The following RASSF5 variants were observed in gnomAD, a reference collection of about 807,000 sequenced individuals.
RASSF5 encodes the protein Ras association domain family member 5.
In RASSF5, 25 loss-of-function variants were observed where a neutral mutation model predicts 40.5. The observed-to-expected ratio is 0.62, with a 90% confidence interval of 0.45 to 0.86. The LOEUF is 0.86. RASSF5 is among the 40% of genes least tolerant of loss of function. RASSF5 has a pLI of 0.00. For missense variants in RASSF5, 521 were observed against 572.8 expected (o/e 0.91, Z 0.92); for synonymous variants, 246 against 252.4 (o/e 0.97, Z 0.24).
chr1:206,532,755 C>T (rs1667274996), intron 1 of RASSF5, among the ~76,000 whole-genome samples: 1 of 152,120 alleles, frequency 6.6e-6, no homozygotes, highest in South Asian at 2.1e-4. Flanking sequence ...CGCCTTGGTG[C>T]CCGCCTGGCC....
At chr1:206,580,281 CGG>C (rs1221599202) in intron 2 of RASSF5, among the ~76,000 whole-genome samples, 1 of 152,214 alleles carries the variant, frequency 6.6e-6, no homozygotes, top group African/African-American at 2.4e-5. Context: ...CCTTTTCTTA[CGG>C]GGAAATGGCT....
At chr1:206,524,248 A>G (rs996984930) in intron 1 of RASSF5, among the ~76,000 whole-genome samples, 2 of 139,840 alleles carry the variant, frequency 1.4e-5, no homozygotes, top group Non-Finnish European at 3.0e-5. Flanking sequence ...AATACATTTT[A>G]TATATATTAT....
Position 206,529,291 on chromosome 1 carries a change from C to T in RASSF5, c.458-8881C>T. On this transcript the variant is annotated intron_variant, in intron 1 of 5. Coordinates refer to ENST00000579436, the MANE Select transcript of RASSF5 (RefSeq NM_182663.4). ...AGAGCTGCCGGCAAAGGGGACGTCC[C>T]CACTAAGAGACCACCTGTCCTTCGA... is the stretch of plus-strand genomic sequence containing the variant. 4 of 850,254 alleles carry T rather than the reference C, an allele frequency of 4.7e-6. 1 individual carries two copies. In the South Asian group the frequency reaches 5.7e-5, roughly 12 times the overall value. 52.7% of individuals were successfully genotyped at this position (850,254 alleles called of 1,614,324 possible).
intron 2 of RASSF5, among the ~76,000 whole-genome samples, chr1:206,575,182 GT>G (rs1220819269): frequency 2.6e-5 from 4 of 152,114 alleles, no homozygotes; most frequent in Admixed American, 2.6e-4. Context: ...GCCTGCAGAC[GT>G]TCCCATCTAG....
intron 2 of RASSF5, among the ~76,000 whole-genome samples, chr1:206,548,695 A>T (rs527939326): frequency 6.6e-6 from 1 of 152,228 alleles, no homozygotes; most frequent in South Asian, 2.1e-4. Context: ...CTGTGGATTT[A>T]TAGTTTTCAC....
At chr1:206,563,973 A>G (rs1160036934) in intron 2 of RASSF5, among the ~76,000 whole-genome samples, 5 of 152,162 alleles carry the variant, frequency 3.3e-5, no homozygotes, top group South Asian at 2.1e-4. Context: ...GATGTAAGGG[A>G]AGACACACAG....
At chr1:206,585,367 A>C (rs1669071135) in intron 5 of RASSF5, 72 bp downstream of exon 5, 1 of 1,079,762 alleles carries the variant, frequency 9.3e-7, no homozygotes, top group Non-Finnish European at 1.4e-6. Context: ...TGTTGTCCTA[A>C]CTACCTCACA....
intron 2 of RASSF5, among the ~76,000 whole-genome samples, chr1:206,577,199 C>T (rs1553405344): frequency 2.0e-5 from 3 of 152,112 alleles, no homozygotes; most frequent in Admixed American, 6.6e-5. Flanking sequence ...CAACAGACTG[C>T]GTGGCCTGCA....
At chr1:206,544,327 G>C (rs1352679987) in intron 2 of RASSF5, 1 of 152,210 alleles carries the variant, frequency 6.6e-6, no homozygotes, top group Non-Finnish European at 1.5e-5. Context: ...ACCTCTAACA[G>C]TCTTGCTAGA....
chr1:206,556,131 C>A (rs554096123), intron 2 of RASSF5, among the ~76,000 whole-genome samples: 58 of 152,296 alleles, frequency 3.8e-4, no homozygotes, highest in African/African-American at 1.4e-3. Context: ...GTTTCCCTGC[C>A]GGGACTCCAG....
intron 2 of RASSF5, chr1:206,557,571 T>G (rs1572338683): frequency 6.2e-7 from 1 of 1,613,728 alleles, no homozygotes; most frequent in East Asian, 2.2e-5. Flanking sequence ...AACTCCGGGG[T>G]AGATGACCGT....
In RASSF5 at chr1:206,526,710, G is replaced by A. The variant is rs1572303706; in HGVS notation, c.458-11462G>A. 3.9e-5 allele frequency among the ~76,000 whole-genome samples: 6 copies of A among 152,312 alleles called. No homozygotes were observed. The South Asian group carries it at 1.2e-3, about 32-fold the overall frequency. ...GCACCCATTAAAGGCAGAAGTTGGA[G>A]GGAAGTGGGAGCAGGTGGGAGGAAC... On this transcript the variant is annotated intron_variant, in intron 1 of 5. Coordinates refer to ENST00000579436, the MANE Select transcript of RASSF5 (RefSeq NM_182663.4).
intron 2 of RASSF5, among the ~76,000 whole-genome samples, chr1:206,548,482 A>G (rs1455393821): frequency 6.6e-6 from 1 of 152,154 alleles, no homozygotes; most frequent in Non-Finnish European, 1.5e-5. Flanking sequence ...GGGCACCAAG[A>G]CATTCATAAG....
In RASSF5 at chr1:206,587,187, T is replaced by G; in HGVS notation, c.*209T>G. ...CCCCCAGGCTGTGCCCCACCACAGA[T>G]TCTGCCAAGGATCAGAACTCATGTG... On this transcript the variant is annotated 3_prime_UTR_variant, in exon 6 of 6. Coordinates refer to ENST00000579436, the MANE Select transcript of RASSF5 (RefSeq NM_182663.4). 1.8e-6 allele frequency: 1 copy of G among 568,626 alleles called. No homozygotes were observed. The highest frequency in any genetic ancestry group is 3.1e-6 in the Non-Finnish European group (1 of 318,206). 35.2% of individuals were successfully genotyped at this position (568,626 alleles called of 1,614,324 possible).
chr1:206,519,981 A>G (rs1255876136), intron 1 of RASSF5, among the ~76,000 whole-genome samples: 1 of 152,232 alleles, frequency 6.6e-6, no homozygotes, highest in East Asian at 1.9e-4. Flanking sequence ...GTTGGTATTC[A>G]TCCTCTCTTT....
At chr1:206,586,661 A>G in intron 5 of RASSF5, 165 bp from the exon 6 acceptor site, 1 of 635,526 alleles carries the variant, frequency 1.6e-6, no homozygotes, top group Non-Finnish European at 2.8e-6. Context: ...TATGACAGGC[A>G]TGCAAAGCCC....
chr1:206,552,135 G>A lies in RASSF5; in HGVS notation c.579+13842G>A, dbSNP rs1353459916. ...CCAATCAGAAGTGTGGTGTGGGTTA[G>A]CACCGCTGAGAAAGTGACTGTAGGG... On this transcript the variant is annotated intron_variant, in intron 2 of 5. Coordinates refer to ENST00000579436, the MANE Select transcript of RASSF5 (RefSeq NM_182663.4). The surrounding 1 kb of genome is among the most constrained non-coding windows in gnomAD (Gnocchi z 4.1). Among the ~76,000 whole-genome samples, 1 of 152,184 alleles carries A rather than the reference G, an allele frequency of 6.6e-6. No individual in the cohort carries two copies. Among genetic ancestry groups the A allele is most frequent in the Non-Finnish European group, 1.5e-5 (1 of 68,038 alleles).
intron 2 of RASSF5, among the ~76,000 whole-genome samples, chr1:206,567,564 G>C (rs1216120125): frequency 1.3e-5 from 2 of 152,094 alleles, no homozygotes; most frequent in African/African-American, 4.8e-5. Flanking sequence ...AGCCTTCACT[G>C]TGTGTGACCT....
chr1:206,574,717 C>T (rs1668571197), intron 2 of RASSF5, among the ~76,000 whole-genome samples: 1 of 152,168 alleles, frequency 6.6e-6, no homozygotes, highest in Admixed American at 6.5e-5. Flanking sequence ...AAATCAACCC[C>T]TTCACTGCTG....
Sources: gnomAD v4.1 joint callset for allele counts (sites outside exome capture counted in the v4.1 genomes callset) on GRCh38, gnomAD v4.1.1 for gene constraint, Gnocchi (gnomAD v3.1) non-coding constraint, MANE v1.5 for transcripts, NCBI Gene and HGNC (gene_info 2026-07-23, HGNC 2026-07-21) for gene names.